Variants in MFSD8 observed in about 807,000 individuals in gnomAD.
The protein encoded by MFSD8 is major facilitator superfamily domain-containing protein 8.
MFSD8 carries 55 observed loss-of-function variants against 66.4 expected under a neutral mutation model. That is an observed-to-expected ratio of 0.83 (90% CI 0.67 to 1.04). The LOEUF (loss-of-function observed/expected upper bound fraction) is 1.04, where lower values mean the gene tolerates loss of function less well. MFSD8 is among the 50% of genes least tolerant of loss of function. The probability of loss-of-function intolerance (pLI) is 0.00; values close to 1 mark genes in which losing one functional copy is unlikely to be tolerated. For synonymous variants in MFSD8, 202 were observed against 212.8 expected, an observed-to-expected ratio of 0.95 and a Z score of 0.44; for missense variants, 550 against 627.6, an observed-to-expected ratio of 0.88 and a Z score of 1.32.
rs779935772 is a variant in MFSD8 at position 127,949,869 on chromosome 4, T to C, written c.155-22A>G. On this transcript the variant is annotated intron_variant, in intron 2 of 11. Transcript: ENST00000641686. The stretch of plus-strand genomic sequence containing the variant: ...AACCCTGTGAAGAAGCAAACTAGGT[T>C]ATTTATACTTATAATAATTTAATCA... The C allele has an allele frequency of 1.9e-6, 3 of 1,583,516 alleles. No individual in the cohort carries two copies. In the Admixed American group the frequency reaches 5.1e-5, roughly 27 times the overall value.
chr4:127,921,042 AACTT>A (rs1736271526), intron 11 of MFSD8: 1 of 598,906 alleles, frequency 1.7e-6, no homozygotes, highest in Non-Finnish European at 2.9e-6. Flanking sequence ...TAAAGGGAAA[AACTT>A]ACTGTCTGCT....
Position 127,917,995 on chromosome 4 carries a change from C to T in MFSD8, c.*2635G>A, listed in dbSNP as rs1470946363. The stretch of plus-strand genomic sequence containing the variant: ...CAAAACAAAAAATTAACAGATTTCA[C>T]TTTATGTAAGAGATAAGGTTTATAT... On this transcript the variant is annotated 3_prime_UTR_variant, in exon 12 of 12. Transcript: ENST00000641686. 6.6e-6 allele frequency: 1 copy of T among 152,124 alleles called. No homozygotes were observed. The highest frequency in any genetic ancestry group is 2.4e-5 in the African/African-American group (1 of 41,420). 9.4% of individuals were successfully genotyped at this position (152,124 alleles called of 1,614,324 possible).
Position 127,965,160 on chromosome 4 carries a change from C to A in MFSD8, c.-27G>T, listed in dbSNP as rs375020549. On this transcript the variant is annotated 5_prime_UTR_variant, in exon 1 of 12. Transcript: ENST00000641686. ...GTTACACTCCCTACAAGGCGTCTTGCGCCCAACTCTCGCGACACCTGCTTT... is the reference window on the plus strand; with the variant it reads ...GTTACACTCCCTACAAGGCGTCTTGAGCCCAACTCTCGCGACACCTGCTTT... 2.0e-5 allele frequency: 32 copies of A among 1,613,376 alleles called. No individual in the cohort carries two copies. The highest frequency in any genetic ancestry group is 2.4e-5 in the Non-Finnish European group (28 of 1,179,866).
intron 4 of MFSD8, 111 bp downstream of exon 4, chr4:127,943,641 G>A (rs1740565526): frequency 1.5e-6 from 2 of 1,315,764 alleles, no homozygotes; most frequent in Non-Finnish European, 2.2e-6. Flanking sequence ...AAACATGTAT[G>A]TTGAACTGTG....
upstream of MFSD8, chr4:127,965,292 G>A: frequency 3.4e-6 from 3 of 877,702 alleles, no homozygotes; most frequent in Non-Finnish European, 5.5e-6. Context: ...GCGGGGTCAC[G>A]CGGAAGGCCG....
At chr4:127,954,410 G>A (rs1742521530) in intron 2 of MFSD8, among the ~76,000 whole-genome samples, 1 of 152,156 alleles carries the variant, frequency 6.6e-6, no homozygotes, top group Non-Finnish European at 1.5e-5. Flanking sequence ...GAGGTCAGGA[G>A]TTTGAGATCA....
chr4:127,951,644 T>C (rs1741983468), intron 2 of MFSD8, among the ~76,000 whole-genome samples: 1 of 152,202 alleles, frequency 6.6e-6, no homozygotes, highest in Admixed American at 6.5e-5. Context: ...TGTACTTTGT[T>C]TGTACTCTAT....
chr4:127,919,704 T>C lies in MFSD8; in HGVS notation c.*926A>G, dbSNP rs1736126681. ...CAGACATAGATTGAAAACTGTTGTG[T>C]TCCTCCCCGCCACTACTGAGAGATG... On this transcript the variant is annotated 3_prime_UTR_variant, in exon 12 of 12. Transcript: ENST00000641686. The C allele has an allele frequency of 6.6e-6, 1 of 152,092 alleles. No homozygotes were observed. The allele number at this position is 152,092 out of a possible 1,614,324, so 9.4% of individuals were successfully genotyped here.
chr4:127,937,685 C>T (rs960323512), intron 7 of MFSD8, among the ~76,000 whole-genome samples: 4 of 151,962 alleles, frequency 2.6e-5, no homozygotes, highest in Admixed American at 6.6e-5. Flanking sequence ...AAATTGTTAC[C>T]AATGAGATAT....
intron 9 of MFSD8, among the ~76,000 whole-genome samples, chr4:127,928,005 T>C (rs773861942): frequency 6.6e-6 from 1 of 152,130 alleles, no homozygotes; most frequent in Admixed American, 6.6e-5. Flanking sequence ...GGGTTGCAGA[T>C]GTGAGTCACC....
chr4:127,920,866 A>C (rs767642412), intron 11 of MFSD8, 30 bp from the exon 12 acceptor site: 1 of 1,601,424 alleles, frequency 6.2e-7, no homozygotes, highest in Non-Finnish European at 8.5e-7. Flanking sequence ...GGACAAGCAG[A>C]TTGATATTGG....
intron 6 of MFSD8, 164 bp from the exon 7 acceptor site, chr4:127,939,002 G>A: frequency 2.1e-6 from 1 of 468,274 alleles, no homozygotes; most frequent in Non-Finnish European, 3.8e-6. Context: ...ATAAACTTAA[G>A]ACAGAAGTTA....
chr4:127,938,407 C>A (rs1578878346), intron 7 of MFSD8, among the ~76,000 whole-genome samples: 1 of 151,722 alleles, frequency 6.6e-6, no homozygotes, highest in South Asian at 2.1e-4. Flanking sequence ...CATGGTGAAA[C>A]CCCATCTCTA....
At chr4:127,934,344 C>A (rs1361874698) in intron 7 of MFSD8, among the ~76,000 whole-genome samples, 1 of 152,020 alleles carries the variant, frequency 6.6e-6, no homozygotes, top group Non-Finnish European at 1.5e-5. Context: ...AAGAAATAAT[C>A]AGGATTTGAC....
At chr4:127,921,029 G>T (rs781614690) in intron 11 of MFSD8, 193 bp from the exon 12 acceptor site, 60 of 614,788 alleles carry the variant, frequency 9.8e-5, no homozygotes, top group Non-Finnish European at 1.5e-4. Context: ...AATAAAAGGA[G>T]TGTAAAGGGA....
rs1744850742 is a variant in MFSD8 at position 127,965,149 on chromosome 4, A to G, written c.-16T>C. 6.2e-7 allele frequency: 1 copy of G among 1,613,796 alleles called. No homozygotes were observed. Among genetic ancestry groups the G allele is most frequent in the Non-Finnish European group, 8.5e-7 (1 of 1,179,968 alleles). Reference sequence around the variant, plus strand: ...GGCCGGCCATAGTTACACTCCCTACAAGGCGTCTTGCGCCCAACTCTCGCG... The same window carrying G: ...GGCCGGCCATAGTTACACTCCCTACGAGGCGTCTTGCGCCCAACTCTCGCG... On this transcript the variant is annotated 5_prime_UTR_variant, in exon 1 of 12. Transcript: ENST00000641686.
intron 2 of MFSD8, among the ~76,000 whole-genome samples, chr4:127,951,605 C>T (rs983008676): frequency 1.3e-5 from 2 of 152,078 alleles, no homozygotes; most frequent in Non-Finnish European, 2.9e-5. Flanking sequence ...GTTTCATCCC[C>T]TCTCCTGCCA....
intron 7 of MFSD8, among the ~76,000 whole-genome samples, chr4:127,936,485 G>C (rs1739099991): frequency 6.6e-6 from 1 of 151,928 alleles, no homozygotes; most frequent in Non-Finnish European, 1.5e-5. Context: ...TAGCACTTTG[G>C]GAGGCCCAGG....
At chr4:127,924,470 A>G (rs1013694987) in intron 9 of MFSD8, among the ~76,000 whole-genome samples, 5 of 152,304 alleles carry the variant, frequency 3.3e-5, no homozygotes, top group Non-Finnish European at 7.4e-5. Flanking sequence ...AGCCAAATCA[A>G]GAGTGAACTG....
Sources: gnomAD v4.1 joint callset for allele counts (sites outside exome capture counted in the v4.1 genomes callset) on GRCh38, gnomAD v4.1.1 for gene constraint, MANE v1.5 for transcripts, NCBI Gene and HGNC (gene_info 2026-07-23, HGNC 2026-07-21) for gene names.